Variants in NUDC observed in about 807,000 individuals in gnomAD.
NUDC encodes nuclear distribution C, dynein complex regulator, also known as nuclear migration protein nudC.
A neutral mutation model predicts 45.0 loss-of-function variants in NUDC; 14 were observed. The ratio of observed to expected loss-of-function variants is 0.31; its 90% confidence interval spans 0.21 to 0.49. The LOEUF (loss-of-function observed/expected upper bound fraction) is 0.49, where lower values mean the gene tolerates loss of function less well. Ranked by LOEUF, NUDC falls within the 20% of genes least tolerant of loss-of-function variation. NUDC has a pLI of 0.99. For synonymous variants in NUDC, 153 were observed against 156.7 expected (o/e 0.98, Z 0.17); for missense variants, 323 against 426.2 (o/e 0.76, Z 2.13).
intron 2 of NUDC, among the ~76,000 whole-genome samples, chr1:26,925,223 A>G (rs2082121357): frequency 1.3e-5 from 2 of 151,400 alleles, no homozygotes; most frequent in South Asian, 2.1e-4. Context: ...AGACTGGGCA[A>G]ATATTAGAAA....
Position 26,943,028 on chromosome 1 carries a change from T to A in NUDC, c.704T>A (p.Ile235Asn). The A allele has an allele frequency of 6.2e-7, 1 of 1,614,114 alleles. No individual in the cohort carries two copies. The highest frequency in any genetic ancestry group is 2.2e-5 in the East Asian group (1 of 44,880). The part of the protein sequence containing the change: ...EVKVEESSWL[I>N]EDGKVVTVHL... ...AAGGTGGAGGAGAGCTCGTGGCTCATTGAGGACGGCAAGGTGGTGACTGTG... is the reference window on the plus strand; with the variant it reads ...AAGGTGGAGGAGAGCTCGTGGCTCAATGAGGACGGCAAGGTGGTGACTGTG... The change falls in exon 6 of 9, where the codon ATT becomes AAT. Residue 235 changes from isoleucine (I) to asparagine (N), a missense_variant. Transcript: ENST00000321265.
chr1:26,941,224 C>T (rs1396325343), intron 2 of NUDC, among the ~76,000 whole-genome samples: 4 of 151,856 alleles, frequency 2.6e-5, no homozygotes, highest in East Asian at 1.9e-4. Flanking sequence ...CCAGCGCGCC[C>T]GGCCAAGCAT....
intron 2 of NUDC, among the ~76,000 whole-genome samples, chr1:26,940,822 A>G (rs1293976780): frequency 6.6e-6 from 1 of 152,104 alleles, no homozygotes; most frequent in Non-Finnish European, 1.5e-5. Flanking sequence ...AGTAGCTGGG[A>G]TTACAGGCGC....
chr1:26,911,753 C>G, intron 3 of NUDC: 1 of 1,514,490 alleles, frequency 6.6e-7, no homozygotes, highest in Non-Finnish European at 9.1e-7. Flanking sequence ...GGCTTGCCCC[C>G]TCCAGGAGCA....
At chr1:26,914,475 C>T (rs2082050585) in intron 3 of NUDC, among the ~76,000 whole-genome samples, 1 of 152,166 alleles carries the variant, frequency 6.6e-6, no homozygotes, top group Admixed American at 6.5e-5. Flanking sequence ...CAGCCAGAAG[C>T]AGGCTACAGG....
chr1:26,905,157 ATTTTTT>A (rs71007901), intron 2 of NUDC, among the ~76,000 whole-genome samples: 2 of 84,290 alleles, frequency 2.4e-5, no homozygotes, highest in African/African-American at 8.1e-5. Flanking sequence ...TATTATTATT[ATTTTTT>A]TTTTTTTTTT....
intron 3 of NUDC, among the ~76,000 whole-genome samples, chr1:26,915,263 T>C (rs2082056558): frequency 6.6e-6 from 1 of 152,102 alleles, no homozygotes; most frequent in Non-Finnish European, 1.5e-5. Context: ...AGTCCTTGTT[T>C]GTTTCCCTGG....
rs1033714430 is a variant in NUDC at position 26,946,192 on chromosome 1, T to C, written c.*11T>C. 4 of 1,611,216 alleles carry C rather than the reference T, an allele frequency of 2.5e-6. No individual in the cohort carries two copies. The highest frequency in any genetic ancestry group is 1.1e-5 in the South Asian group (1 of 90,994). ...GCTAAATTCAACTAGCCCCTGTTTT[T>C]TCCTCCCTGAACTCTTGGGGCTGAG... On this transcript the variant is annotated 3_prime_UTR_variant, in exon 9 of 9. Coordinates refer to ENST00000321265, the MANE Select transcript of NUDC (RefSeq NM_006600.4).
upstream of NUDC, among the ~76,000 whole-genome samples, chr1:26,918,578 T>C (rs181998335): frequency 0.05 from 7,430 of 150,032 alleles, 232 homozygotes; most frequent in Non-Finnish European, 0.074. Flanking sequence ...CCAGCTTTTT[T>C]TTTTTTTTTT....
In NUDC at chr1:26,904,036, T is replaced by A. The variant is rs1050720235; in HGVS notation, c.-16+1670T>A. 3.1e-3 allele frequency among the ~76,000 whole-genome samples: 273 copies of A among 89,330 alleles called. 6 individuals are homozygous for A. The highest frequency in any genetic ancestry group is 2.0e-3 in the African/African-American group (45 of 22,902). 58.6% of individuals were successfully genotyped at this position (89,330 alleles called of 152,430 possible). ...AAAATAAATAAATAAATAAATAAAT[T>A]AAATAAATAAATAATAAATAAATAA... On this transcript the variant is annotated intron_variant, in intron 2 of 6. Transcript: ENST00000435827.
chr1:26,934,548 T>C lies in NUDC; in HGVS notation c.160-6909T>C, dbSNP rs193132439. On this transcript the variant is annotated intron_variant, in intron 2 of 8. Coordinates refer to ENST00000321265, the MANE Select transcript of NUDC (RefSeq NM_006600.4). ...AACAGCCCCACAAAGTCTTAATTCA[T>C]TTCTGCATTAACCCATAAGTCCCAG... is the stretch of plus-strand genomic sequence containing the variant. Among the ~76,000 whole-genome samples the C allele has an allele frequency of 1.4e-4, 21 of 152,330 alleles. No homozygotes were observed. In the East Asian group the frequency reaches 4.1e-3, roughly 29 times the overall value.
intron 1 of NUDC, among the ~76,000 whole-genome samples, chr1:26,901,573 T>G (rs988370845): frequency 6.6e-5 from 10 of 151,698 alleles, no homozygotes; most frequent in Admixed American, 5.3e-4. Context: ...CCCGGCTAAT[T>G]TTTGTATTTT....
At chr1:26,927,713 G>A (rs1306425951) in intron 2 of NUDC, among the ~76,000 whole-genome samples, 15 of 151,862 alleles carry the variant, frequency 9.9e-5, no homozygotes, top group Admixed American at 8.5e-4. Context: ...TTTCTTAACT[G>A]TAAGAGGGAG....
chr1:26,911,119 C>A (rs1349642843), intron 2 of NUDC: 1 of 470,960 alleles, frequency 2.1e-6, no homozygotes, highest in East Asian at 6.9e-5. Flanking sequence ...TCTCTTTTGT[C>A]ATCTGCAGGA....
intron 3 of NUDC, 26 bp from the exon 4 acceptor site, chr1:26,941,727 G>A: frequency 3.1e-6 from 5 of 1,614,024 alleles, no homozygotes; most frequent in Non-Finnish European, 4.2e-6. Context: ...GGGTCCTGTT[G>A]CCAACTGCTG....
At chr1:26,939,153 C>T (rs752194858) in intron 2 of NUDC, among the ~76,000 whole-genome samples, 1 of 152,122 alleles carries the variant, frequency 6.6e-6, no homozygotes, top group Non-Finnish European at 1.5e-5. Context: ...GCCACCACAC[C>T]GGGCTCATTT....
chr1:26,913,350 T>C, intron 3 of NUDC: 1 of 1,506,942 alleles, frequency 6.6e-7, no homozygotes, highest in Non-Finnish European at 9.2e-7. Context: ...AGAAGCTACC[T>C]TCCCTGGCTG....
At chr1:26,937,027 G>A (rs1458066390) in intron 2 of NUDC, among the ~76,000 whole-genome samples, 1 of 152,116 alleles carries the variant, frequency 6.6e-6, no homozygotes, top group African/African-American at 2.4e-5. Flanking sequence ...TGTAAACTGG[G>A]GTTTGCCATG....
chr1:26,939,462 T>C (rs1764841), intron 2 of NUDC, among the ~76,000 whole-genome samples: 152,260 of 152,260 alleles, frequency 1, 76,130 homozygotes, highest in Non-Finnish European at 1. Flanking sequence ...CTTGTCTCTA[T>C]AAAAAAATAC....
Sources: gnomAD v4.1 joint callset for allele counts (sites outside exome capture counted in the v4.1 genomes callset) on GRCh38, gnomAD v4.1.1 for gene constraint, MANE v1.5 for transcripts, NCBI Gene and HGNC (gene_info 2026-07-23, HGNC 2026-07-21) for gene names.